Variants in TMEM232 observed in about 807,000 individuals in gnomAD.
TMEM232 encodes transmembrane protein 232.
In TMEM232, 80 loss-of-function variants were observed where a neutral mutation model predicts 78.8. That is an observed-to-expected ratio of 1.01 (90% confidence interval 0.85 to 1.22). The LOEUF is 1.22. Among genes scored for constraint, TMEM232 ranks in the 50% most tolerant of loss-of-function variants. The pLI is 0.00. For synonymous variants in TMEM232, 297 were observed against 254.3 expected (o/e 1.17, Z -1.60); for missense variants, 881 against 742.2 (o/e 1.19, Z -2.17).
intron 2 of TMEM232, among the ~76,000 whole-genome samples, chr5:110,648,368 G>A (rs1246902015): frequency 6.6e-6 from 1 of 151,998 alleles, no homozygotes; most frequent in African/African-American, 2.4e-5. Flanking sequence ...ATTCAAGACA[G>A]ACATACACAC....
Position 110,605,246 on chromosome 5 carries a change from G to T in TMEM232, c.1139C>A (p.Thr380Asn). The stretch of plus-strand genomic sequence containing the variant: ...ACAGTGACAGAAACCAATTAAAGCA[G>T]TTTTTCGCAAATCAGAAGTGGCTGC... ...LYAATSDLRK[T>N]ALIGFCHCKS... Residue 380 changes from threonine to asparagine, a missense_variant, in exon 10 of 14, where the codon ACT (threonine) becomes AAT (asparagine). Transcript: ENST00000455884. 1 of 1,551,090 alleles carries T rather than the reference G, an allele frequency of 6.4e-7. No individual in the cohort carries two copies. The highest frequency in any genetic ancestry group is 8.7e-7 in the Non-Finnish European group (1 of 1,146,668).
At chr5:110,658,900 G>A (rs763637555) in intron 2 of TMEM232, among the ~76,000 whole-genome samples, 1 of 152,118 alleles carries the variant, frequency 6.6e-6, no homozygotes, top group Non-Finnish European at 1.5e-5. Flanking sequence ...TTAAAACCAT[G>A]CATATAAATT....
At chr5:110,390,102 C>T (rs936472179) in intron 4 of TMEM232, among the ~76,000 whole-genome samples, 2 of 152,106 alleles carry the variant, frequency 1.3e-5, no homozygotes, top group Non-Finnish European at 2.9e-5. Flanking sequence ...TCTCTCACTA[C>T]ACCCATAACC....
At chr5:110,675,177 T>G (rs1054419069) in intron 1 of TMEM232, among the ~76,000 whole-genome samples, 1 of 152,072 alleles carries the variant, frequency 6.6e-6, no homozygotes, top group South Asian at 2.1e-4. Flanking sequence ...CCTGGGTAGC[T>G]GGGATTACAG....
intron 12 of TMEM232, among the ~76,000 whole-genome samples, chr5:110,437,407 A>G (rs1016311928): frequency 2.0e-5 from 3 of 152,064 alleles, no homozygotes; most frequent in Non-Finnish European, 4.4e-5. Flanking sequence ...AGATGCATAT[A>G]TTTATGAAAG....
chr5:110,552,106 TTAGAG>T (rs1774543604), intron 11 of TMEM232, among the ~76,000 whole-genome samples: 1 of 152,076 alleles, frequency 6.6e-6, no homozygotes. Flanking sequence ...ATAATAATGT[TTAGAG>T]TAGTAAAAAT....
At chr5:110,599,011 T>C (rs1780545900) in intron 10 of TMEM232, among the ~76,000 whole-genome samples, 1 of 151,730 alleles carries the variant, frequency 6.6e-6, no homozygotes, top group East Asian at 1.9e-4. Context: ...TAAAGTATAA[T>C]AATAATAAAA....
rs995166861 is a variant in TMEM232 at position 110,609,696 on chromosome 5, G to T, written c.903-3409C>A. ...AAGAGTAAGGAGAACACAGGAAGCT[G>T]CCTGATAATTTTACACATTGAGTGT... On this transcript the variant is annotated intron_variant, in intron 8 of 13. Transcript: ENST00000455884. 5.3e-5 allele frequency among the ~76,000 whole-genome samples: 8 copies of T among 152,176 alleles called. No homozygotes were observed. The South Asian group carries it at 1.7e-3, about 32-fold the overall frequency.
At chr5:110,722,272 T>C (rs1050628836) in intron 1 of TMEM232, among the ~76,000 whole-genome samples, 1 of 152,192 alleles carries the variant, frequency 6.6e-6, no homozygotes, top group African/African-American at 2.4e-5. Flanking sequence ...CTCACTGCCA[T>C]TTATTATCTC....
chr5:110,390,849 G>A (rs1286931028), intron 3 of TMEM232, among the ~76,000 whole-genome samples: 1 of 152,200 alleles, frequency 6.6e-6, no homozygotes, highest in African/African-American at 2.4e-5. Context: ...GACTAAAGCA[G>A]AGAACGTGTG....
At chr5:110,646,447 C>T (rs1487862267) in intron 2 of TMEM232, among the ~76,000 whole-genome samples, 4 of 151,712 alleles carry the variant, frequency 2.6e-5, no homozygotes, top group East Asian at 1.9e-4. Flanking sequence ...TGATCTTTGA[C>T]ATGGGTTGAA....
chr5:110,735,875 T>C (rs958540363), intron 1 of TMEM232, among the ~76,000 whole-genome samples: 3 of 152,130 alleles, frequency 2.0e-5, no homozygotes, highest in African/African-American at 7.2e-5. Context: ...TAGAAGGGGA[T>C]CCTCCAGCCC....
intron 12 of TMEM232, among the ~76,000 whole-genome samples, chr5:110,495,517 A>G (rs75021294): frequency 0.021 from 3,201 of 152,060 alleles, 79 homozygotes; most frequent in African/African-American, 0.059. Flanking sequence ...TGATTAAATG[A>G]AATATTATAT....
rs1281518754 is a variant in TMEM232 at position 110,420,767 on chromosome 5, G to C, written c.1798-11C>G. 6.7e-7 allele frequency: 1 copy of C among 1,496,474 alleles called. No individual in the cohort carries two copies. Among genetic ancestry groups the C allele is most frequent in the Non-Finnish European group, 8.8e-7 (1 of 1,134,502 alleles). The allele number at this position is 1,496,474 out of a possible 1,614,324, so 92.7% of individuals were successfully genotyped here. ...TAGCTCTTCCTGCCACTGTTACAGA[G>C]AGAAAACGTCATTCACATGATTTTC... On this transcript the variant is annotated splice_polypyrimidine_tract_variant and intron_variant, in intron 13 of 13. Coordinates refer to ENST00000455884, the MANE Select transcript of TMEM232 (RefSeq NM_001039763.4).
chr5:110,647,810 C>T (rs1264984571), intron 2 of TMEM232, among the ~76,000 whole-genome samples: 1 of 151,908 alleles, frequency 6.6e-6, no homozygotes, highest in African/African-American at 2.4e-5. Context: ...ATAAAAACAG[C>T]CTTATACACT....
In TMEM232 at chr5:110,704,912, T is replaced by C. The variant is rs540774376; in HGVS notation, c.-13+21715A>G. Among the ~76,000 whole-genome samples, 5 of 152,232 alleles carry C rather than the reference T, an allele frequency of 3.3e-5. No homozygotes were observed. The East Asian group carries it at 9.7e-4, about 29-fold the overall frequency. On this transcript the variant is annotated intron_variant, in intron 1 of 13. Transcript: ENST00000455884. ...CTAGTGTGCCTTGTCATAGTATTTC[T>C]TGTTCTGGGGGTCAGGGACCTTATT...
chr5:110,614,443 T>C (rs1233862145), intron 8 of TMEM232, among the ~76,000 whole-genome samples: 1 of 152,108 alleles, frequency 6.6e-6, no homozygotes, highest in Non-Finnish European at 1.5e-5. Context: ...ATTTATAAAA[T>C]ACTAAGTATT....
chr5:110,526,283 G>T (rs775255716), intron 12 of TMEM232, among the ~76,000 whole-genome samples: 1 of 148,466 alleles, frequency 6.7e-6, no homozygotes, highest in Non-Finnish European at 1.5e-5. Flanking sequence ...AAAAAAAAAA[G>T]ATGAGAAACA....
intron 12 of TMEM232, among the ~76,000 whole-genome samples, chr5:110,509,010 G>A (rs13190043): frequency 0.042 from 5,370 of 128,716 alleles, 363 homozygotes; most frequent in African/African-American, 0.17. Context: ...ATATATATAT[G>A]TATATATATA....
Sources: gnomAD v4.1 joint callset for allele counts (sites outside exome capture counted in the v4.1 genomes callset) on GRCh38, gnomAD v4.1.1 for gene constraint, MANE v1.5 for transcripts, NCBI Gene and HGNC (gene_info 2026-07-23, HGNC 2026-07-21) for gene names.